Variants in NLE1 observed in about 807,000 individuals in gnomAD.
NLE1 encodes notchless homolog 1.
Under a neutral mutation model 62.8 loss-of-function variants are expected in NLE1, and 37 were observed. That is an observed-to-expected ratio of 0.59 (90% CI 0.45 to 0.78). The LOEUF is 0.78. NLE1 is among the 30% of genes least tolerant of loss of function. The pLI is 0.00. For missense variants in NLE1, 555 were observed against 637.9 expected, an observed-to-expected ratio of 0.87 and a Z score of 1.40; for synonymous variants, 243 against 253.0, an observed-to-expected ratio of 0.96 and a Z score of 0.37.
At chr17:35,132,472 A>C (rs1472320959) in intron 12 of NLE1, 23 bp from the exon 13 acceptor site, 6 of 1,379,558 alleles carry the variant, frequency 4.3e-6, no homozygotes, top group Non-Finnish European at 5.7e-6. Context: ...GAAGGGTGTC[A>C]GGATGGGGAT....
chr17:35,139,706 T>A, intron 3 of NLE1, 143 bp downstream of exon 3: 3 of 1,212,738 alleles, frequency 2.5e-6, no homozygotes, highest in Non-Finnish European at 3.4e-6. Flanking sequence ...AGGAAGTCCC[T>A]TAATTGCAAG....
At position 35,137,539 on chromosome 17, in the gene NLE1, T is replaced by C; in HGVS notation, c.635+4A>G. ...TTTGTCCCAGCTCCGTCAGTGTCAC[T>C]TACGCATGGAGGGGCTCCCAGCTCA... On this transcript the variant is annotated splice_donor_region_variant and intron_variant, in intron 6 of 12. Transcript: ENST00000442241. 1 of 1,606,150 alleles carries C rather than the reference T, an allele frequency of 6.2e-7. No individual in the cohort carries two copies. Among genetic ancestry groups the C allele is most frequent in the Non-Finnish European group, 8.5e-7 (1 of 1,178,700 alleles).
chr17:35,133,518 T>C lies in NLE1; in HGVS notation c.1215-20A>G, dbSNP rs1010761352. 3.8e-6 allele frequency: 6 copies of C among 1,595,870 alleles called. No homozygotes were observed. The highest frequency in any genetic ancestry group is 5.1e-6 in the Non-Finnish European group (6 of 1,172,714). On this transcript the variant is annotated intron_variant, in intron 10 of 12. Transcript: ENST00000442241. ...AGGTACCTGGTCCAGGAGAAGACGATGATGGATTTTAGTCTGAGTTACATC... is the reference window on the plus strand; with the variant it reads ...AGGTACCTGGTCCAGGAGAAGACGACGATGGATTTTAGTCTGAGTTACATC...
intron 10 of NLE1, 108 bp downstream of exon 10, chr17:35,135,141 G>T: frequency 1.0e-6 from 1 of 998,262 alleles, no homozygotes; most frequent in Non-Finnish European, 1.6e-6. Context: ...GGAAACAGTG[G>T]CTTAGAAAAT....
In NLE1 at chr17:35,129,536, A is replaced by G; in HGVS notation, c.*2901T>C. 6.2e-7 allele frequency: 1 copy of G among 1,614,226 alleles called. No individual in the cohort carries two copies. The highest frequency in any genetic ancestry group is 8.5e-7 in the Non-Finnish European group (1 of 1,180,048). On this transcript the variant is annotated 3_prime_UTR_variant, in exon 13 of 13. Transcript: ENST00000442241. ...GCCCGAGGCAAAGAATCGTCCATGG[A>G]TCTTCAACAAGATTTTGGGCACTAC...
chr17:35,137,143 C>A lies in NLE1; in HGVS notation c.686G>T (p.Arg229Leu). ...VASSSKDGSV[R>L]IWDTTAGRCE... ...GCGGCCTGCAGTTGTGTCCCAGATCCGCACACTGCCATCCTTGGAGCTGCT... is the reference window on the plus strand; with the variant it reads ...GCGGCCTGCAGTTGTGTCCCAGATCAGCACACTGCCATCCTTGGAGCTGCT... The change falls in exon 7 of 13, where the codon CGG becomes CTG. Residue 229 changes from arginine (R) to leucine (L), a missense_variant. Physicochemically the swap from Arg to Leu is moderately radical, Grantham distance 102. Coordinates refer to ENST00000442241, the MANE Select transcript of NLE1 (RefSeq NM_018096.5). 1.2e-6 allele frequency: 2 copies of A among 1,613,364 alleles called. No individual in the cohort carries two copies. Among genetic ancestry groups the A allele is most frequent in the South Asian group, 1.1e-5 (1 of 91,042 alleles).
chr17:35,129,804 A>G lies in NLE1; in HGVS notation c.*2633T>C. On this transcript the variant is annotated 3_prime_UTR_variant, in exon 13 of 13. Transcript: ENST00000442241. ...GCCTGGGTCAAGAAGCATCAATTCC[A>G]GAATGCATGCTTCTGGGAGGTTTAA... 6 of 1,446,218 alleles carry G rather than the reference A, an allele frequency of 4.1e-6. No homozygotes were observed. In the South Asian group the frequency reaches 8.8e-5, roughly 21 times the overall value. The allele number at this position is 1,446,218 out of a possible 1,614,324, so 89.6% of individuals were successfully genotyped here.
intron 12 of NLE1, 66 bp downstream of exon 12, chr17:35,133,103 AGT>A: frequency 7.0e-7 from 1 of 1,423,158 alleles, no homozygotes; most frequent in Non-Finnish European, 9.9e-7. Context: ...TGTAAGGGAA[AGT>A]GTGCACAGAA....
At position 35,142,102 on chromosome 17, in the gene NLE1, A is replaced by G. The variant is rs529909326; in HGVS notation, c.39T>C (p.Asp13=). ...GGAACTGCACTAGCAACCGCTGCAC[A>G]TCGCGCGCCACCGCCTCGTCCTGCG... The part of the protein sequence containing the change: ...AAVPDEAVAR[D]VQRLLVQFQD... The change falls in exon 2 of 13, where the codon GAT becomes GAC. Residue 13 remains aspartate (D), a synonymous_variant. Coordinates refer to ENST00000442241, the MANE Select transcript of NLE1 (RefSeq NM_018096.5). The G allele has an allele frequency of 1.9e-5, 30 of 1,611,994 alleles. No homozygotes were observed. The South Asian group carries it at 3.2e-4, about 17-fold the overall frequency.
Position 35,142,126 on chromosome 17 carries a change from C to A in NLE1, c.19-4G>T, listed in dbSNP as rs2091948183. ...CATCGCGCGCCACCGCCTCGTCCTG[C>A]GCGAGCAAGTGGGGCGGGAGTCAGT... On this transcript the variant is annotated splice_polypyrimidine_tract_variant and splice_region_variant and intron_variant, in intron 1 of 12. Coordinates refer to ENST00000442241, the MANE Select transcript of NLE1 (RefSeq NM_018096.5). 2 of 1,610,530 alleles carry A rather than the reference C, an allele frequency of 1.2e-6. No homozygotes were observed. Among genetic ancestry groups the A allele is most frequent in the African/African-American group, 1.3e-5 (1 of 75,040 alleles).
intron 2 of NLE1, among the ~76,000 whole-genome samples, chr17:35,140,465 G>C (rs2091936401): frequency 6.6e-6 from 1 of 152,012 alleles, no homozygotes; most frequent in African/African-American, 2.4e-5. Flanking sequence ...CTGACCTCAG[G>C]TGATCCACCT....
intron 12 of NLE1, 81 bp downstream of exon 12, chr17:35,133,090 T>A (rs2091886820): frequency 7.4e-7 from 1 of 1,356,576 alleles, no homozygotes; most frequent in African/African-American, 1.4e-5. Context: ...CGGAATTCTA[T>A]GCTGTAAGGG....
Position 35,129,481 on chromosome 17 carries a change from G to T in NLE1, c.*2956C>A. 6.2e-7 allele frequency: 1 copy of T among 1,614,242 alleles called. No individual in the cohort carries two copies. Among genetic ancestry groups the T allele is most frequent in the Non-Finnish European group, 8.5e-7 (1 of 1,180,040 alleles). On this transcript the variant is annotated 3_prime_UTR_variant, in exon 13 of 13. Coordinates refer to ENST00000442241, the MANE Select transcript of NLE1 (RefSeq NM_018096.5). ...TCAGTTTCTACCAGCTCCTGTTACA[G>T]GAGGTGGCCAAGACACAGGAGAATG...
intron 2 of NLE1, 114 bp from the exon 3 acceptor site, chr17:35,140,180 G>T: frequency 1.7e-6 from 2 of 1,193,014 alleles, no homozygotes; most frequent in Non-Finnish European, 2.4e-6. Context: ...TTCAGCCATC[G>T]TGCTAGGGAT....
chr17:35,142,206 G>A, intron 1 of NLE1, 52 bp downstream of exon 1: 2 of 1,577,750 alleles, frequency 1.3e-6, no homozygotes, highest in Non-Finnish European at 1.7e-6. Flanking sequence ...TCAGGGACCC[G>A]GGCCCTAGCG....
Position 35,137,844 on chromosome 17 carries a change from C to A in NLE1, c.507G>T (p.Arg169Ser), listed in dbSNP as rs148123599. The A allele has an allele frequency of 4.3e-6, 7 of 1,613,734 alleles. No homozygotes were observed. The African/African-American group carries it at 9.3e-5, about 22-fold the overall frequency. ...CATTCTTGCAGCCTGAGGCCAGCTT[C>A]CTGCCATCTGGAGACCAGGATATAC... ...VLSISWSPDG[R>S]KLASGCKNGQ... The change falls in exon 5 of 13, where the codon AGG (arginine) becomes AGT (serine). Residue 169 changes from arginine (R) to serine (S), a missense_variant. Physicochemically the swap from Arg to Ser is moderately radical, Grantham distance 110. Transcript: ENST00000442241.
In NLE1 at chr17:35,135,474, T is replaced by C. The variant is rs201197063; in HGVS notation, c.1012-23A>G. 16 of 1,609,842 alleles carry C rather than the reference T, an allele frequency of 9.9e-6. No individual in the cohort carries two copies. The African/African-American group carries it at 2.0e-4, about 20-fold the overall frequency. On this transcript the variant is annotated intron_variant, in intron 9 of 12. Transcript: ENST00000442241. ...GCCCTAGGGGAGGCAGAAAGCACAC[T>C]GTGTTGGGTGTGGTCTCAGAAAGAA...
chr17:35,139,174 C>A lies in NLE1; in HGVS notation c.460+61G>T, dbSNP rs554180861. 7 of 1,454,788 alleles carry A rather than the reference C, an allele frequency of 4.8e-6. No individual in the cohort carries two copies. The African/African-American group carries it at 5.6e-5, about 12-fold the overall frequency. The allele number at this position is 1,454,788 out of a possible 1,614,324, so 90.1% of individuals were successfully genotyped here. On this transcript the variant is annotated intron_variant, in intron 4 of 12. Coordinates refer to ENST00000442241, the MANE Select transcript of NLE1 (RefSeq NM_018096.5). ...CACCACTGTACTCCATCCTGGTCAA[C>A]AGAGCAAGACCTTGTCTCAAAAAAA...
chr17:35,130,286 C>T lies in NLE1; in HGVS notation c.*2151G>A, dbSNP rs1362190594. On this transcript the variant is annotated 3_prime_UTR_variant, in exon 13 of 13. Coordinates refer to ENST00000442241, the MANE Select transcript of NLE1 (RefSeq NM_018096.5). ...GGTTTTCTTGTTTCACTTCAGTTTGCAACCCTGGCCACTGACTTCAGCAGC... is the reference window on the plus strand; with the variant it reads ...GGTTTTCTTGTTTCACTTCAGTTTGTAACCCTGGCCACTGACTTCAGCAGC... 1.2e-6 allele frequency: 2 copies of T among 1,613,408 alleles called. No homozygotes were observed. The highest frequency in any genetic ancestry group is 1.7e-5 in the Admixed American group (1 of 59,858).
Sources: gnomAD v4.1 joint callset for allele counts (sites outside exome capture counted in the v4.1 genomes callset) on GRCh38, gnomAD v4.1.1 for gene constraint, MANE v1.5 for transcripts, NCBI Gene and HGNC (gene_info 2026-07-23, HGNC 2026-07-21) for gene names.